RXRA: variants seen among roughly 807,000 people sequenced by gnomAD.
RXRA encodes the protein retinoic acid receptor RXR-alpha.
RXRA carries 5 observed loss-of-function variants against 44.5 expected under a neutral mutation model. That is an observed-to-expected ratio of 0.11 (90% confidence interval 0.06 to 0.24). RXRA has a LOEUF of 0.24. RXRA is among the 10% of genes least tolerant of loss of function. RXRA has a pLI of 1.00. For synonymous variants in RXRA, 291 were observed against 271.4 expected (o/e 1.07, Z -0.71); for missense variants, 412 against 646.5 (o/e 0.64, Z 3.93).
intron 9 of RXRA, among the ~76,000 whole-genome samples, chr9:134,434,733 T>C (rs1163515135): frequency 2.6e-5 from 4 of 152,332 alleles, no homozygotes; most frequent in Non-Finnish European, 5.9e-5. Flanking sequence ...CAGTGCTGGG[T>C]GCACAGTAGG....
chr9:134,330,527 G>T (rs894550695), intron 1 of RXRA, among the ~76,000 whole-genome samples: 1 of 152,154 alleles, frequency 6.6e-6, no homozygotes, highest in African/African-American at 2.4e-5. Context: ...GGGTAGAGGG[G>T]TCACCCTCCT....
rs371744655 is a variant in RXRA, at chr9:134,402,157, G to A, written c.279+275G>A. ...GGCCCCTTCCCATGCCGGAGGGCTC[G>A]GGACTCCCTGTTCCCATGACTGGGG... On this transcript the variant is annotated intron_variant, in intron 2 of 9. Coordinates refer to ENST00000481739, the MANE Select transcript of RXRA (RefSeq NM_002957.6). The A allele has an allele frequency of 2.3e-4, 119 of 512,886 alleles. 1 individual carries two copies. Among genetic ancestry groups the A allele is most frequent in the South Asian group, 1.0e-3 (39 of 37,810 alleles). The allele number at this position is 512,886 out of a possible 1,614,324, so 31.8% of individuals were successfully genotyped here. A position where few individuals can be genotyped will look rare whatever the true frequency, so the allele number is the denominator to read the frequency against.
At position 134,342,285 on chromosome 9, in the gene RXRA, G is replaced by A. The variant is rs1291708649; in HGVS notation, c.28+15626G>A. On this transcript the variant is annotated intron_variant, in intron 1 of 9. Coordinates refer to ENST00000481739, the MANE Select transcript of RXRA (RefSeq NM_002957.6). The surrounding 1 kb of genome is among the most constrained non-coding windows in gnomAD (Gnocchi z 4.4). Reference sequence around the variant, plus strand: ...AAGCCACAGTGCACCAGGTGCCCCGGTACCAGCTTGTGCCAAGCCCATTGC... The same window carrying A: ...AAGCCACAGTGCACCAGGTGCCCCGATACCAGCTTGTGCCAAGCCCATTGC... Among the ~76,000 whole-genome samples, 2 of 152,120 alleles carry A rather than the reference G, an allele frequency of 1.3e-5. No individual in the cohort carries two copies. The highest frequency in any genetic ancestry group is 4.8e-5 in the African/African-American group (2 of 41,414).
chr9:134,379,697 G>A lies in RXRA; in HGVS notation c.29-21935G>A, dbSNP rs920904988. The A allele has an allele frequency of 8.1e-6, 8 of 985,278 alleles. No individual in the cohort carries two copies. In the African/African-American group the frequency reaches 1.4e-4, roughly 17 times the overall value. 61.0% of individuals were successfully genotyped at this position (985,278 alleles called of 1,614,324 possible). A position where few individuals can be genotyped will look rare whatever the true frequency, so the allele number is the denominator to read the frequency against. On this transcript the variant is annotated intron_variant, in intron 1 of 9. Coordinates refer to ENST00000481739, the MANE Select transcript of RXRA (RefSeq NM_002957.6). ...AGCAGGACAGCCCCAGTATGCGGAT[G>A]AGAAAACCTGAGGCCCAGCCTGGGC...
intron 1 of RXRA, among the ~76,000 whole-genome samples, chr9:134,345,728 A>G (rs868939962): frequency 2.0e-5 from 3 of 152,342 alleles, no homozygotes; most frequent in South Asian, 4.1e-4. Context: ...AGCTGCTGCT[A>G]TATCTCCCCA....
chr9:134,356,731 G>T (rs1830288565), intron 1 of RXRA, among the ~76,000 whole-genome samples: 1 of 152,234 alleles, frequency 6.6e-6, no homozygotes, highest in Non-Finnish European at 1.5e-5. Context: ...TCTCACCGTT[G>T]TCCTGCTATG....
At chr9:134,388,035 A>C (rs750805503) in intron 1 of RXRA, among the ~76,000 whole-genome samples, 2 of 152,022 alleles carry the variant, frequency 1.3e-5, no homozygotes, top group Non-Finnish European at 2.9e-5. Context: ...TTATCGCTGC[A>C]CCCCATGGTG....
At chr9:134,383,101 T>C (rs933627389) in intron 1 of RXRA, among the ~76,000 whole-genome samples, 1 of 151,864 alleles carries the variant, frequency 6.6e-6, no homozygotes. Context: ...ACAGACAGGG[T>C]GGGCCCATCT....
chr9:134,421,905 C>T (rs1337091904), intron 6 of RXRA, 100 bp downstream of exon 6: 1 of 1,540,724 alleles, frequency 6.5e-7, no homozygotes, highest in Non-Finnish European at 8.7e-7. Flanking sequence ...CCGGGACACT[C>T]CCCTGTCCTG....
chr9:134,378,600 G>A (rs1280505080), intron 1 of RXRA, among the ~76,000 whole-genome samples: 3 of 152,222 alleles, frequency 2.0e-5, no homozygotes, highest in African/African-American at 7.2e-5. Flanking sequence ...GGAAGGTACC[G>A]AAGTGGTGGC....
intron 6 of RXRA, chr9:134,424,347 C>T (rs1831399636): frequency 1.0e-6 from 1 of 985,246 alleles, no homozygotes; most frequent in South Asian, 4.7e-5. Context: ...CCCAGCGGCT[C>T]TTTCCGGGAG....
At chr9:134,393,759 C>T (rs1480422952) in intron 1 of RXRA, among the ~76,000 whole-genome samples, 1 of 152,192 alleles carries the variant, frequency 6.6e-6, no homozygotes. Context: ...CAGGCACTGA[C>T]TGCTCATGGG....
At position 134,407,924 on chromosome 9, in the gene RXRA, G is replaced by A. The variant is rs1321917330; in HGVS notation, c.280-225G>A. Among the ~76,000 whole-genome samples the A allele has an allele frequency of 6.6e-6, 1 of 152,012 alleles. No homozygotes were observed. Among genetic ancestry groups the A allele is most frequent in the Admixed American group, 6.5e-5 (1 of 15,284 alleles). On this transcript the variant is annotated intron_variant, in intron 2 of 9. Coordinates refer to ENST00000481739, the MANE Select transcript of RXRA (RefSeq NM_002957.6). The surrounding 1 kb of genome is among the most constrained non-coding windows in gnomAD (Gnocchi z 4.8). ...TCCACAGAGGCCTGGGGTCTGCTGCGGGCGAGTCCTGAGGTTGCCACAGCC... is the reference window on the plus strand; with the variant it reads ...TCCACAGAGGCCTGGGGTCTGCTGCAGGCGAGTCCTGAGGTTGCCACAGCC...
chr9:134,345,435 A>G (rs1554748645), intron 1 of RXRA, among the ~76,000 whole-genome samples: 1 of 152,168 alleles, frequency 6.6e-6, no homozygotes, highest in African/African-American at 2.4e-5. Flanking sequence ...ACTGGCATGG[A>G]TCCTCGTGGA....
rs185666580 is a variant in RXRA at position 134,423,377 on chromosome 9, C to T, written c.910+1572C>T. 2.9e-5 allele frequency: 29 copies of T among 985,450 alleles called. No individual in the cohort carries two copies. The East Asian group carries it at 2.2e-3, about 73-fold the overall frequency. The allele number at this position is 985,450 out of a possible 1,614,324, so 61.0% of individuals were successfully genotyped here. A position where few individuals can be genotyped will look rare whatever the true frequency, so the allele number is the denominator to read the frequency against. ...CACTGTGGGCTCCGCCGCCTCAGCC[C>T]GACTGGGGAGCCTCAGCCCATACAA... is the stretch of plus-strand genomic sequence containing the variant. On this transcript the variant is annotated intron_variant, in intron 6 of 9. Transcript: ENST00000481739.
chr9:134,362,296 C>T (rs1830361773), intron 1 of RXRA, among the ~76,000 whole-genome samples: 1 of 152,198 alleles, frequency 6.6e-6, no homozygotes, highest in Non-Finnish European at 1.5e-5. Flanking sequence ...CCCTCCCTGC[C>T]TGGTCGCCCC....
At chr9:134,409,176 G>A (rs1022983148) in intron 4 of RXRA, 57 bp downstream of exon 4, 28 of 1,462,422 alleles carry the variant, frequency 1.9e-5, no homozygotes, top group Admixed American at 4.5e-5. Flanking sequence ...AGTGGGGCCC[G>A]GGCTTGTGCG....
intron 1 of RXRA, among the ~76,000 whole-genome samples, chr9:134,371,181 C>T (rs140633391): frequency 9.2e-5 from 14 of 152,336 alleles, no homozygotes; most frequent in Admixed American, 2.6e-4. Context: ...TCCCTCCCAC[C>T]GGCCCAGTGG....
intron 9 of RXRA, among the ~76,000 whole-genome samples, chr9:134,435,696 C>T (rs1831608277): frequency 1.3e-5 from 2 of 152,200 alleles, no homozygotes; most frequent in African/African-American, 4.8e-5. Flanking sequence ...CCTCCCCCGC[C>T]TGATGCTCTT....
Sources: gnomAD v4.1 joint callset for allele counts (sites outside exome capture counted in the v4.1 genomes callset) on GRCh38, gnomAD v4.1.1 for gene constraint, Gnocchi (gnomAD v3.1) non-coding constraint, MANE v1.5 for transcripts, NCBI Gene and HGNC (gene_info 2026-07-23, HGNC 2026-07-21) for gene names.